Variants in ANKS1B observed in about 807,000 individuals in gnomAD.
The protein encoded by ANKS1B is ankyrin repeat and sterile alpha motif domain containing 1B.
A neutral mutation model predicts 148.3 loss-of-function variants in ANKS1B; 36 were observed. The ratio of observed to expected loss-of-function variants is 0.24; its 90% confidence interval spans 0.19 to 0.32. ANKS1B has a LOEUF of 0.32. Among genes scored for constraint, ANKS1B ranks in the 10% least tolerant of loss-of-function variants. The pLI, the probability that ANKS1B is intolerant of heterozygous loss-of-function variation, is 1.00. For synonymous variants in ANKS1B, 542 were observed against 560.8 expected (o/e 0.97, Z 0.47); for missense variants, 1,157 against 1,542.6 (o/e 0.75, Z 4.19).
intron 17 of ANKS1B, among the ~76,000 whole-genome samples, chr12:98,880,839 A>C (rs2152504737): frequency 6.6e-6 from 1 of 152,280 alleles, no homozygotes; most frequent in African/African-American, 2.4e-5. Flanking sequence ...GTAGGTTCCT[A>C]AAAAGCTTTG....
At chr12:98,913,175 C>T (rs1304104712) in intron 17 of ANKS1B, among the ~76,000 whole-genome samples, 1 of 152,098 alleles carries the variant, frequency 6.6e-6, no homozygotes, top group East Asian at 1.9e-4. Flanking sequence ...TACTTAGGGT[C>T]TCCAATTTTC....
In ANKS1B at chr12:99,405,813, A is replaced by G. The variant is rs1294855850; in HGVS notation, c.1576-6002T>C. On this transcript the variant is annotated intron_variant, in intron 11 of 26. Transcript: ENST00000683438. ...CAAGAAATACACTTCACCTATAAAGATACACATAGACTGAAAATAAGGGGA... is the reference window on the plus strand; with the variant it reads ...CAAGAAATACACTTCACCTATAAAGGTACACATAGACTGAAAATAAGGGGA... Among the ~76,000 whole-genome samples, 5 of 145,428 alleles carry G rather than the reference A, an allele frequency of 3.4e-5. No individual in the cohort carries two copies. The East Asian group carries it at 7.7e-4, about 22-fold the overall frequency.
chr12:99,807,683 C>T (rs1326802577), intron 3 of ANKS1B, among the ~76,000 whole-genome samples: 1 of 152,072 alleles, frequency 6.6e-6, no homozygotes, highest in African/African-American at 2.4e-5. Flanking sequence ...GAGATAGATA[C>T]TATTATCATT....
intron 8 of ANKS1B, among the ~76,000 whole-genome samples, chr12:99,763,362 C>G (rs2062337727): frequency 6.6e-6 from 1 of 152,084 alleles, no homozygotes. Context: ...CAGGTGGAGG[C>G]CATTATCCTA....
intron 15 of ANKS1B, among the ~76,000 whole-genome samples, chr12:99,149,493 T>G (rs1166397731): frequency 6.6e-6 from 1 of 152,174 alleles, no homozygotes; most frequent in Non-Finnish European, 1.5e-5. Flanking sequence ...TCTTATTCTG[T>G]AAAGGCTGCA....
chr12:98,873,160 C>T lies in ANKS1B; in HGVS notation c.2779-41024G>A, dbSNP rs1595955077. 3.9e-5 allele frequency among the ~76,000 whole-genome samples: 6 copies of T among 152,320 alleles called. No homozygotes were observed. In the South Asian group the frequency reaches 1.2e-3, roughly 32 times the overall value. On this transcript the variant is annotated intron_variant, in intron 17 of 26. Transcript: ENST00000683438. ...GGTGCCTCTGCTACACCCTATAAAC[C>T]CACCTCTGGCACAGCACATATCACA...
intron 15 of ANKS1B, among the ~76,000 whole-genome samples, chr12:99,129,426 C>T (rs560776047): frequency 6.6e-6 from 1 of 152,284 alleles, no homozygotes; most frequent in South Asian, 2.1e-4. Flanking sequence ...GTCAGAATTA[C>T]CAGAAGTGAG....
intron 10 of ANKS1B, among the ~76,000 whole-genome samples, chr12:99,498,632 CTT>C (rs1054244059): frequency 6.6e-6 from 1 of 152,132 alleles, no homozygotes; most frequent in Non-Finnish European, 1.5e-5. Context: ...AAGGTCAACA[CTT>C]ATACCTTTTG....
intron 14 of ANKS1B, among the ~76,000 whole-genome samples, chr12:99,231,574 C>G (rs975061955): frequency 1.3e-5 from 2 of 152,024 alleles, no homozygotes; most frequent in African/African-American, 4.8e-5. Flanking sequence ...AACTGCACAT[C>G]ATCTGATACA....
chr12:99,425,509 G>A (rs1415126355), intron 11 of ANKS1B, among the ~76,000 whole-genome samples: 1 of 151,864 alleles, frequency 6.6e-6, no homozygotes, highest in Non-Finnish European at 1.5e-5. Context: ...CCAAGAAAAT[G>A]TATAGAAACA....
At position 99,628,970 on chromosome 12, in the gene ANKS1B, A is replaced by G. The variant is rs150363531; in HGVS notation, c.1272+26097T>C. ...ATCTTATTATCAGTATTAGGATTCT[A>G]ATTTATTTATTTTGTAGACCTGAGG... On this transcript the variant is annotated intron_variant, in intron 9 of 26. Transcript: ENST00000683438. Among the ~76,000 whole-genome samples, 840 of 152,286 alleles carry G rather than the reference A, an allele frequency of 5.5e-3. 8 individuals are homozygous for G. Among genetic ancestry groups the G allele is most frequent in the African/African-American group, 0.019 (805 of 41,562 alleles).
intron 8 of ANKS1B, among the ~76,000 whole-genome samples, chr12:99,767,850 A>G (rs1419297679): frequency 6.6e-6 from 1 of 152,156 alleles, no homozygotes; most frequent in Non-Finnish European, 1.5e-5. Context: ...ACATTCAATC[A>G]TAATAAGAAT....
At chr12:99,718,899 C>T (rs2057755421) in intron 8 of ANKS1B, among the ~76,000 whole-genome samples, 1 of 152,188 alleles carries the variant, frequency 6.6e-6, no homozygotes, top group Non-Finnish European at 1.5e-5. Flanking sequence ...TCAGTCAAGA[C>T]CAAGTTTCAT....
At chr12:99,049,628 A>ATT (rs1328987955) in intron 17 of ANKS1B, among the ~76,000 whole-genome samples, 1 of 152,198 alleles carries the variant, frequency 6.6e-6, no homozygotes, top group East Asian at 1.9e-4. Flanking sequence ...GAAAGAAAAA[A>ATT]AACCTCACAG....
At chr12:98,988,929 G>C (rs2099925030) in intron 17 of ANKS1B, among the ~76,000 whole-genome samples, 1 of 152,010 alleles carries the variant, frequency 6.6e-6, no homozygotes, top group Non-Finnish European at 1.5e-5. Flanking sequence ...CAGATCCTTT[G>C]CCTATTTTTA....
Position 99,229,361 on chromosome 12 carries a change from T to C in ANKS1B, c.2419+14981A>G, listed in dbSNP as rs891364670. Among the ~76,000 whole-genome samples the C allele has an allele frequency of 2.0e-5, 3 of 151,964 alleles. No homozygotes were observed. In the East Asian group the frequency reaches 5.8e-4, roughly 29 times the overall value. ...GGTCATTTGATTTGATTCTATTTTT[T>C]AAACAACCATAAACAATGCTGAAAT... On this transcript the variant is annotated intron_variant, in intron 14 of 26. Transcript: ENST00000683438.
chr12:99,556,774 G>A (rs7398286), intron 9 of ANKS1B, among the ~76,000 whole-genome samples: 63 of 151,978 alleles, frequency 4.1e-4, no homozygotes, highest in Non-Finnish European at 6.5e-4. Flanking sequence ...TCTTAGTATT[G>A]GTTTCTATTT....
At chr12:99,840,105 C>T (rs1238293497) in intron 1 of ANKS1B, among the ~76,000 whole-genome samples, 4 of 151,902 alleles carry the variant, frequency 2.6e-5, no homozygotes, top group Admixed American at 6.6e-5. Context: ...GTTAGACAAA[C>T]AATATACAAA....
chr12:98,855,756 T>G (rs2099567949), intron 17 of ANKS1B, among the ~76,000 whole-genome samples: 1 of 152,078 alleles, frequency 6.6e-6, no homozygotes, highest in Non-Finnish European at 1.5e-5. Context: ...GGCCAGTGAT[T>G]TTTTTTAAAA....
Sources: gnomAD v4.1 joint callset for allele counts (sites outside exome capture counted in the v4.1 genomes callset) on GRCh38, gnomAD v4.1.1 for gene constraint, MANE v1.5 for transcripts, NCBI Gene and HGNC (gene_info 2026-07-23, HGNC 2026-07-21) for gene names.